Variants in COL9A1 observed in about 807,000 individuals in gnomAD.
COL9A1 encodes collagen alpha-1(IX) chain.
COL9A1 carries 104 observed loss-of-function variants against 142.6 expected under a neutral mutation model. The ratio of observed to expected loss-of-function variants is 0.73; its 90% CI spans 0.62 to 0.86. The LOEUF (loss-of-function observed/expected upper bound fraction) is 0.86. Among genes scored for constraint, COL9A1 ranks in the 40% least tolerant of loss-of-function variants. The pLI is 0.00. For missense variants in COL9A1, 1,210 were observed against 1,176.6 expected (o/e 1.03, Z -0.42); for synonymous variants, 466 against 396.0 (o/e 1.18, Z -2.10).
intron 32 of COL9A1, 139 bp downstream of exon 32, chr6:70,240,550 G>A: frequency 7.1e-6 from 3 of 424,944 alleles, no homozygotes; most frequent in Non-Finnish European, 1.2e-5. Flanking sequence ...AAAGAAGGCA[G>A]TGAGGATAAC....
chr6:70,240,612 T>TTAGAAGTATATATA lies in COL9A1; in HGVS notation c.2079+63_2079+76dup, dbSNP rs535579905. The TTAGAAGTATATATA allele has an allele frequency of 1.9e-4, 182 of 960,668 alleles. 1 individual carries two copies. In the African/African-American group the frequency reaches 2.8e-3, roughly 15 times the overall value. The allele number at this position is 960,668 out of a possible 1,614,324, so 59.5% of individuals were successfully genotyped here. Reference sequence around the variant, plus strand: ...ATATATATACCAATTTTGAACTGTGTTAGAAGTATATATATATACTTCTAA... The same window carrying TTAGAAGTATATATA: ...ATATATATACCAATTTTGAACTGTGTTAGAAGTATATATATAGAAGTATATATATATACTTCTAA... On this transcript the variant is annotated intron_variant, in intron 32 of 37. Coordinates refer to ENST00000357250, the MANE Select transcript of COL9A1 (RefSeq NM_001851.6).
intron 20 of COL9A1, among the ~76,000 whole-genome samples, chr6:70,259,972 G>C (rs1771568941): frequency 6.6e-6 from 1 of 151,942 alleles, no homozygotes; most frequent in African/African-American, 2.4e-5. Flanking sequence ...GTGTCTTTGG[G>C]GATGTCCTGC....
intron 5 of COL9A1, among the ~76,000 whole-genome samples, chr6:70,290,490 G>A (rs1054812613): frequency 6.6e-6 from 1 of 152,020 alleles, no homozygotes; most frequent in African/African-American, 2.4e-5. Context: ...ATGAGAAGAT[G>A]TTTGAGTGGT....
chr6:70,250,127 G>GCCCT (rs78982918), intron 28 of COL9A1, among the ~76,000 whole-genome samples: 23,427 of 151,966 alleles, frequency 0.15, 2,051 homozygotes, highest in Non-Finnish European at 0.21. Context: ...TGGGCATGGT[G>GCCCT]GTGTGCACCT....
chr6:70,285,363 G>A (rs1313503413), intron 5 of COL9A1, among the ~76,000 whole-genome samples: 3 of 152,228 alleles, frequency 2.0e-5, no homozygotes, highest in Non-Finnish European at 4.4e-5. Context: ...CATGAAATAT[G>A]AATTCCAATT....
At chr6:70,291,844 A>G (rs1773671781) in intron 5 of COL9A1, among the ~76,000 whole-genome samples, 1 of 152,156 alleles carries the variant, frequency 6.6e-6, no homozygotes, top group South Asian at 2.1e-4. Context: ...AAGGTAGATT[A>G]GAAATGTTGT....
In COL9A1 at chr6:70,255,222, A is replaced by G. The variant is rs1232879619; in HGVS notation, c.1558-19T>C. The stretch of plus-strand genomic sequence containing the variant: ...CAGCCCCCTGCAGGGAGGAAGAGAA[A>G]GAATAGACAAGACATGTTCAGTTAA... On this transcript the variant is annotated intron_variant, in intron 22 of 37. Coordinates refer to ENST00000357250, the MANE Select transcript of COL9A1 (RefSeq NM_001851.6). 1.9e-6 allele frequency: 3 copies of G among 1,614,080 alleles called. No individual in the cohort carries two copies. Among genetic ancestry groups the G allele is most frequent in the Non-Finnish European group, 2.5e-6 (3 of 1,179,906 alleles).
At chr6:70,221,635 C>A (rs1348634915) in intron 37 of COL9A1, among the ~76,000 whole-genome samples, 1 of 152,164 alleles carries the variant, frequency 6.6e-6, no homozygotes, top group Non-Finnish European at 1.5e-5. Context: ...CTTCCATGTC[C>A]AAGAGGCAAA....
At chr6:70,244,034 ATTTAAG>A (rs1240671444) in intron 28 of COL9A1, among the ~76,000 whole-genome samples, 8 of 152,188 alleles carry the variant, frequency 5.3e-5, no homozygotes, top group African/African-American at 1.9e-4. Flanking sequence ...ATTTATTCCT[ATTTAAG>A]TTTAACAAAG....
At chr6:70,286,129 C>T (rs754156075) in intron 5 of COL9A1, among the ~76,000 whole-genome samples, 6 of 152,068 alleles carry the variant, frequency 3.9e-5, no homozygotes, top group South Asian at 2.1e-4. Flanking sequence ...CATCTTGATC[C>T]GCCTGCCTCG....
chr6:70,302,798 C>T, intron 1 of COL9A1, 113 bp downstream of exon 1: 2 of 1,173,070 alleles, frequency 1.7e-6, no homozygotes, highest in South Asian at 2.4e-5. Context: ...TTCTGTCTCT[C>T]ACCTTGAGGC....
At chr6:70,301,410 T>C (rs1199933198) in intron 2 of COL9A1, among the ~76,000 whole-genome samples, 3 of 152,142 alleles carry the variant, frequency 2.0e-5, no homozygotes, top group African/African-American at 7.2e-5. Flanking sequence ...AGCCCGTCTC[T>C]ACTAAAAATA....
chr6:70,242,249 A>AG (rs1407203147), intron 29 of COL9A1: 1 of 620,282 alleles, frequency 1.6e-6, no homozygotes, highest in African/African-American at 1.8e-5. Flanking sequence ...TAAGGTCCTC[A>AG]GTTCCCCTTG....
intron 14 of COL9A1, 43 bp from the exon 15 acceptor site, chr6:70,270,410 C>T: frequency 1.3e-6 from 2 of 1,566,808 alleles, no homozygotes; most frequent in Non-Finnish European, 1.8e-6. Context: ...ATACATGTGT[C>T]AAAACACAGT....
At chr6:70,264,346 T>C (rs1771881144) in intron 18 of COL9A1, among the ~76,000 whole-genome samples, 1 of 152,078 alleles carries the variant, frequency 6.6e-6, no homozygotes, top group South Asian at 2.1e-4. Context: ...ACCTTGACAA[T>C]ATTGAATCAT....
At chr6:70,294,143 C>A (rs1279081976) in intron 5 of COL9A1, 24 bp downstream of exon 5, 2 of 1,613,572 alleles carry the variant, frequency 1.2e-6, no homozygotes, top group Admixed American at 3.3e-5. Flanking sequence ...TTTAATCTGC[C>A]ATAGTGTGTG....
chr6:70,225,587 T>TAA, intron 37 of COL9A1, among the ~76,000 whole-genome samples: 1 of 147,816 alleles, frequency 6.8e-6, no homozygotes, highest in Middle Eastern at 3.4e-3. Context: ...CATTTTAGAT[T>TAA]AAAAAAAAAA....
chr6:70,248,801 C>T (rs796609631), intron 28 of COL9A1, among the ~76,000 whole-genome samples: 5 of 152,234 alleles, frequency 3.3e-5, no homozygotes, highest in African/African-American at 1.2e-4. Flanking sequence ...GGAAACACAG[C>T]GGTGAAAACG....
chr6:70,300,092 G>A lies in COL9A1; in HGVS notation c.250C>T (p.Gln84Ter), dbSNP rs1562334235. Reference protein sequence around the residue: ...IQRVVGSATLQVAYKLGNNVD... With the variant: ...IQRVVGSATL ...TTATTTCCCAACTTGTAAGCCACCT[G>A]CAATGTAGCTGATCCCACTACTCTC... Residue 84 changes from glutamine (Q) to a stop codon, truncating the protein, a stop_gained, in exon 4 of 38, where the codon CAG (glutamine) becomes TAG (stop). Transcript: ENST00000357250. LOFTEE classifies it high-confidence loss of function. 3 of 1,613,776 alleles carry A rather than the reference G, an allele frequency of 1.9e-6. No individual in the cohort carries two copies. The highest frequency in any genetic ancestry group is 3.3e-5 in the Admixed American group (2 of 60,016).
Sources: gnomAD v4.1 joint callset for allele counts (sites outside exome capture counted in the v4.1 genomes callset) on GRCh38, gnomAD v4.1.1 for gene constraint, MANE v1.5 for transcripts, NCBI Gene and HGNC (gene_info 2026-07-23, HGNC 2026-07-21) for gene names.